Variants in RABGAP1 observed in about 807,000 individuals in gnomAD.
The protein encoded by RABGAP1 is RAB GTPase activating protein 1.
In RABGAP1, 23 loss-of-function variants were observed where a neutral mutation model predicts 137.6. That is an observed-to-expected ratio of 0.17 (90% CI 0.12 to 0.24). RABGAP1 has a LOEUF of 0.24. Among genes scored for constraint, RABGAP1 ranks in the 10% least tolerant of loss-of-function variants. RABGAP1 has a pLI of 1.00. For synonymous variants in RABGAP1, 451 were observed against 450.7 expected (o/e 1.00, Z -0.01); for missense variants, 906 against 1,275.8 (o/e 0.71, Z 4.42).
At position 123,097,772 on chromosome 9, in the gene RABGAP1, A is replaced by T. The variant is rs1439244812; in HGVS notation, c.2660A>T (p.Glu887Val). 1 of 1,613,660 alleles carries T rather than the reference A, an allele frequency of 6.2e-7. No individual in the cohort carries two copies. Among genetic ancestry groups the T allele is most frequent in the Admixed American group, 1.7e-5 (1 of 59,888 alleles). Residue 887 changes from glutamate to valine, a missense_variant, in exon 22 of 26, where the codon GAG (glutamate) becomes GTG (valine). Physicochemically the swap from Glu to Val is moderately radical, Grantham distance 121. Transcript: ENST00000373647. ...GAAAAGGCAGATGCTCTGAATAAGG[A>T]GCTGCTGATGACCAAACAGAAGTTG... The part of the protein sequence containing the change: ...AEEKADALNK[E>V]LLMTKQKLID...
chr9:122,982,798 G>T (rs893209694), intron 2 of RABGAP1, among the ~76,000 whole-genome samples: 1 of 152,124 alleles, frequency 6.6e-6, no homozygotes, highest in African/African-American at 2.4e-5. Context: ...TTCCTGGGGA[G>T]GCTGATGAGG....
At chr9:123,087,090 A>G (rs554468136) in intron 19 of RABGAP1, among the ~76,000 whole-genome samples, 17 of 152,340 alleles carry the variant, frequency 1.1e-4, no homozygotes, top group Admixed American at 3.3e-4. Context: ...TAAAAGTTCT[A>G]TTATTTACCA....
intron 1 of RABGAP1, among the ~76,000 whole-genome samples, chr9:122,954,912 GAT>G (rs1199031220): frequency 6.6e-6 from 1 of 152,124 alleles, no homozygotes; most frequent in African/African-American, 2.4e-5. Flanking sequence ...TTGAAATAGA[GAT>G]GTGACAAATT....
intron 16 of RABGAP1, 147 bp from the exon 17 acceptor site, chr9:123,074,138 A>C (rs2034443180): frequency 1.1e-6 from 1 of 901,798 alleles, no homozygotes. Context: ...TTAATACCAG[A>C]TGATAAGTGT....
intron 8 of RABGAP1, chr9:122,997,032 C>CT (rs1564389267): frequency 3.4e-6 from 2 of 590,444 alleles, no homozygotes; most frequent in Non-Finnish European, 6.1e-6. Flanking sequence ...TGTGGATTTT[C>CT]TTAATGTGTA....
intron 1 of RABGAP1, among the ~76,000 whole-genome samples, chr9:122,952,336 G>T (rs992748209): frequency 2.0e-5 from 3 of 151,958 alleles, no homozygotes; most frequent in Non-Finnish European, 4.4e-5. Context: ...TTGGCTCACT[G>T]CAAGCTCCGC....
intron 14 of RABGAP1, among the ~76,000 whole-genome samples, chr9:123,066,738 G>A (rs1347310037): frequency 6.6e-6 from 1 of 152,056 alleles, no homozygotes; most frequent in Admixed American, 6.6e-5. Context: ...ATTAACTCAA[G>A]GTCTAAATTT....
intron 13 of RABGAP1, among the ~76,000 whole-genome samples, chr9:123,023,804 A>G (rs923581960): frequency 3.9e-5 from 6 of 152,186 alleles, no homozygotes; most frequent in African/African-American, 1.4e-4. Context: ...ATTTCTATAA[A>G]GTATTTATTC....
intron 21 of RABGAP1, among the ~76,000 whole-genome samples, chr9:123,097,096 T>C (rs2035207976): frequency 6.6e-6 from 1 of 152,178 alleles, no homozygotes; most frequent in Non-Finnish European, 1.5e-5. Context: ...TCAGTTATCT[T>C]TGGAGTGCCC....
intron 13 of RABGAP1, among the ~76,000 whole-genome samples, chr9:123,027,644 A>T (rs1458998567): frequency 6.6e-6 from 1 of 152,246 alleles, no homozygotes; most frequent in Non-Finnish European, 1.5e-5. Context: ...GCAAAAAAGA[A>T]TGTTGGCCAT....
intron 2 of RABGAP1, among the ~76,000 whole-genome samples, chr9:122,967,520 A>G (rs1835226600): frequency 6.6e-6 from 1 of 152,202 alleles, no homozygotes; most frequent in African/African-American, 2.4e-5. Context: ...TAGCCTAGGA[A>G]CAGTTTCTAG....
At chr9:123,069,010 T>C (rs1415786310) in intron 14 of RABGAP1, among the ~76,000 whole-genome samples, 1 of 152,198 alleles carries the variant, frequency 6.6e-6, no homozygotes, top group Non-Finnish European at 1.5e-5. Context: ...GTTGAAGCTA[T>C]AGGAATTTCC....
At chr9:122,942,898 C>G in intron 1 of RABGAP1, among the ~76,000 whole-genome samples, 1 of 152,106 alleles carries the variant, frequency 6.6e-6, no homozygotes, top group Non-Finnish European at 1.5e-5. Flanking sequence ...GTAATCCCAA[C>G]ACTTTGGGAG....
At chr9:123,078,445 GTAGT>G (rs371530977) in intron 19 of RABGAP1, among the ~76,000 whole-genome samples, 196 of 152,144 alleles carry the variant, frequency 1.3e-3, no homozygotes, top group African/African-American at 4.3e-3. Context: ...ATAGTGCCTG[GTAGT>G]TAGTAAGGGT....
intron 10 of RABGAP1, among the ~76,000 whole-genome samples, chr9:123,007,493 T>C (rs1196978362): frequency 6.7e-6 from 1 of 149,352 alleles, no homozygotes; most frequent in Non-Finnish European, 1.5e-5. Flanking sequence ...TCCTCCTGTC[T>C]CAGCCTCCTG....
intron 21 of RABGAP1, among the ~76,000 whole-genome samples, chr9:123,095,118 A>C (rs1248939829): frequency 6.6e-6 from 1 of 151,160 alleles, no homozygotes; most frequent in Non-Finnish European, 1.5e-5. Flanking sequence ...TCCCAGCTAC[A>C]TAGGAGGCTT....
At chr9:123,015,700 C>A in intron 12 of RABGAP1, 64 bp downstream of exon 12, 2 of 1,149,918 alleles carry the variant, frequency 1.7e-6, no homozygotes, top group East Asian at 2.5e-5. Flanking sequence ...AGAATCTTAC[C>A]TAACTATAAT....
intron 21 of RABGAP1, among the ~76,000 whole-genome samples, chr9:123,092,464 G>A (rs1268547831): frequency 1.3e-5 from 2 of 152,148 alleles, no homozygotes; most frequent in Non-Finnish European, 2.9e-5. Flanking sequence ...ATTTATGGAT[G>A]AGGATTTGTT....
At chr9:123,049,436 A>C (rs924416756) in intron 13 of RABGAP1, among the ~76,000 whole-genome samples, 2 of 152,228 alleles carry the variant, frequency 1.3e-5, no homozygotes, top group Non-Finnish European at 2.9e-5. Context: ...ACGATAATAG[A>C]GAAACCTAGA....
Sources: gnomAD v4.1 joint callset for allele counts (sites outside exome capture counted in the v4.1 genomes callset) on GRCh38, gnomAD v4.1.1 for gene constraint, MANE v1.5 for transcripts, NCBI Gene and HGNC (gene_info 2026-07-23, HGNC 2026-07-21) for gene names.